MKX: variants seen among roughly 807,000 people sequenced by gnomAD.
The protein encoded by MKX is homeobox protein Mohawk.
A neutral mutation model predicts 36.0 loss-of-function variants in MKX; 13 were observed. The ratio of observed to expected loss-of-function variants is 0.36; its 90% CI spans 0.24 to 0.57. The LOEUF (loss-of-function observed/expected upper bound fraction) is 0.57, where lower values mean the gene tolerates loss of function less well. MKX is among the 20% of genes least tolerant of loss of function. MKX has a pLI of 0.79. For missense variants in MKX, 458 were observed against 456.4 expected, an observed-to-expected ratio of 1.00 and a Z score of -0.03; for synonymous variants, 176 against 178.3, an observed-to-expected ratio of 0.99 and a Z score of 0.10.
chr10:27,719,993 A>AG (rs1343566043), intron 5 of MKX, among the ~76,000 whole-genome samples: 8 of 150,854 alleles, frequency 5.3e-5, no homozygotes, highest in African/African-American at 1.7e-4. Flanking sequence ...AAAAAAAAAA[A>AG]AAGAGAGAGA....
intron 5 of MKX, among the ~76,000 whole-genome samples, chr10:27,703,634 C>T (rs554164521): frequency 1.3e-5 from 2 of 152,116 alleles, no homozygotes; most frequent in Non-Finnish European, 2.9e-5. Flanking sequence ...CTTGGTGGCT[C>T]ATACCTGTAA....
At position 27,741,606 on chromosome 10, in the gene MKX, T is replaced by G; in HGVS notation, c.189-102A>C. 7.5e-7 allele frequency: 1 copy of G among 1,335,438 alleles called. No homozygotes were observed. The highest frequency in any genetic ancestry group is 9.9e-7 in the Non-Finnish European group (1 of 1,005,206). 82.7% of individuals were successfully genotyped at this position (1,335,438 alleles called of 1,614,324 possible). A position where few individuals can be genotyped will look rare whatever the true frequency, so the allele number is the denominator to read the frequency against. ...CCGGGCCCCGCATCCAAACTGCGCA[T>G]TCCTGCCTTGCGCCCCTGCTTTGCG... is the stretch of plus-strand genomic sequence containing the variant. On this transcript the variant is annotated intron_variant, in intron 2 of 6. Transcript: ENST00000419761. This position sits in a 1 kb window ranked among gnomAD's most constrained non-coding sequence, Gnocchi z 5.1.
In MKX at chr10:27,723,950, G is replaced by C. The variant is rs146945825; in HGVS notation, c.838+10506C>G. Among the ~76,000 whole-genome samples, 7 of 152,278 alleles carry C rather than the reference G, an allele frequency of 4.6e-5. No homozygotes were observed. In the East Asian group the frequency reaches 1.4e-3, roughly 29 times the overall value. On this transcript the variant is annotated intron_variant, in intron 5 of 6. Transcript: ENST00000419761. Reference sequence around the variant, plus strand: ...ACAGGCAACTATGTGAAAACTTAAGGAGCAAGCTGTTTCTTGGAAATATCA... The same window carrying C: ...ACAGGCAACTATGTGAAAACTTAAGCAGCAAGCTGTTTCTTGGAAATATCA...
intron 5 of MKX, among the ~76,000 whole-genome samples, chr10:27,708,318 A>G (rs1382352794): frequency 1.3e-5 from 2 of 152,172 alleles, no homozygotes; most frequent in African/African-American, 4.8e-5. Flanking sequence ...CTCACTGACC[A>G]TCACAAGGCC....
chr10:27,678,583 C>T (rs1836196692), intron 5 of MKX, among the ~76,000 whole-genome samples: 1 of 137,856 alleles, frequency 7.3e-6, no homozygotes, highest in South Asian at 2.1e-4. Flanking sequence ...ACTGCACAGA[C>T]AAGAAGAAAG....
rs60014937 is a variant in MKX at position 27,706,733 on chromosome 10, T to C, written c.838+27723A>G. 6.1e-3 allele frequency among the ~76,000 whole-genome samples: 930 copies of C among 152,318 alleles called. 18 individuals are homozygous for C. In the East Asian group the frequency reaches 0.064, roughly 11 times the overall value. On this transcript the variant is annotated intron_variant, in intron 5 of 6. Transcript: ENST00000419761. ...AAAAATGTCTATTCAAGCCCTTTGC[T>C]CATTTTAATTGAGGTGTTTCTTTTT...
At chr10:27,694,956 G>T (rs1158723119) in intron 5 of MKX, among the ~76,000 whole-genome samples, 1 of 151,542 alleles carries the variant, frequency 6.6e-6, no homozygotes, top group Non-Finnish European at 1.5e-5. Context: ...GCTCCTGCAG[G>T]TGTGTGGTAG....
At chr10:27,714,009 CAAAAAAAAA>C (rs10632508) in intron 5 of MKX, among the ~76,000 whole-genome samples, 3 of 102,528 alleles carry the variant, frequency 2.9e-5, no homozygotes, top group African/African-American at 9.2e-5. Flanking sequence ...GTGCAAAGAC[CAAAAAAAAA>C]AAAAAAAAAA....
chr10:27,681,448 A>AAAAC (rs72040625), intron 5 of MKX, among the ~76,000 whole-genome samples: 4,793 of 152,016 alleles, frequency 0.032, 122 homozygotes, highest in African/African-American at 0.067. Flanking sequence ...ACTCCATCGC[A>AAAAC]AAACAAACAA....
intron 3 of MKX, among the ~76,000 whole-genome samples, chr10:27,739,668 C>T (rs1220780997): frequency 6.6e-6 from 1 of 152,086 alleles, no homozygotes. Context: ...ATGACAAATG[C>T]TACTTCATAA....
chr10:27,691,515 T>C (rs979671574), intron 5 of MKX, among the ~76,000 whole-genome samples: 1 of 152,238 alleles, frequency 6.6e-6, no homozygotes, highest in African/African-American at 2.4e-5. Context: ...CTAGCCATCT[T>C]ACGCCTGTAT....
At chr10:27,714,241 C>T (rs1298111614) in intron 5 of MKX, among the ~76,000 whole-genome samples, 1 of 152,004 alleles carries the variant, frequency 6.6e-6, no homozygotes, top group Non-Finnish European at 1.5e-5. Context: ...ACTGCAGTCT[C>T]TGTGGTTTAA....
intron 5 of MKX, among the ~76,000 whole-genome samples, chr10:27,684,326 A>AT (rs199873977): frequency 0.029 from 4,323 of 151,606 alleles, 291 homozygotes; most frequent in East Asian, 0.25. Flanking sequence ...AAAAAGAAAA[A>AT]AATATATATA....
chr10:27,739,454 G>T (rs1014996150), intron 3 of MKX, among the ~76,000 whole-genome samples: 9 of 151,952 alleles, frequency 5.9e-5, no homozygotes, highest in Admixed American at 5.9e-4. Flanking sequence ...GAGCACTAGT[G>T]TAAGAGAAAA....
In MKX at chr10:27,710,789, C is replaced by T. The variant is rs188879698; in HGVS notation, c.838+23667G>A. 4.4e-3 allele frequency among the ~76,000 whole-genome samples: 674 copies of T among 152,244 alleles called. 6 individuals are homozygous for T. Among genetic ancestry groups the T allele is most frequent in the African/African-American group, 0.016 (648 of 41,566 alleles). On this transcript the variant is annotated intron_variant, in intron 5 of 6. Coordinates refer to ENST00000419761, the MANE Select transcript of MKX (RefSeq NM_173576.3). Reference sequence around the variant, plus strand: ...TTCTTGTGCCTCAGCCTCCAAGTAGCTGGGATTAGAGGCATGAGTCACTAC... The same window carrying T: ...TTCTTGTGCCTCAGCCTCCAAGTAGTTGGGATTAGAGGCATGAGTCACTAC...
chr10:27,696,180 T>C (rs751786177), intron 5 of MKX, among the ~76,000 whole-genome samples: 1 of 152,188 alleles, frequency 6.6e-6, no homozygotes, highest in Non-Finnish European at 1.5e-5. Context: ...GGGGTTTGAA[T>C]CCCAGTTGTG....
At chr10:27,694,489 G>T (rs1005897934) in intron 5 of MKX, among the ~76,000 whole-genome samples, 1 of 142,594 alleles carries the variant, frequency 7.0e-6, no homozygotes, top group South Asian at 2.2e-4. Context: ...GACCATCCTG[G>T]CTAACACAGC....
Position 27,734,707 on chromosome 10 carries a change from G to T in MKX, c.587C>A (p.Ser196Ter). ...TGGCCTCACTCCCGCTTTGATGACCGAATTCTCACTTTTAATCACAGGATG... is the reference window on the plus strand; with the variant it reads ...TGGCCTCACTCCCGCTTTGATGACCTAATTCTCACTTTTAATCACAGGATG... ...VHHPVIKSEN[S>*]VIKAGVRPES... The change falls in exon 5 of 7, where the codon TCG becomes TAG. Residue 196 changes from serine to a stop codon, truncating the protein, a stop_gained. Transcript: ENST00000419761. LOFTEE classifies it high-confidence loss of function. 3 of 1,613,980 alleles carry T rather than the reference G, an allele frequency of 1.9e-6. No homozygotes were observed. The highest frequency in any genetic ancestry group is 2.5e-6 in the Non-Finnish European group (3 of 1,179,992).
chr10:27,733,447 A>G (rs768750843), intron 5 of MKX, among the ~76,000 whole-genome samples: 1 of 152,212 alleles, frequency 6.6e-6, no homozygotes, highest in Non-Finnish European at 1.5e-5. Context: ...TACTCTATAC[A>G]TGATTGGTAG....
Sources: allele counts gnomAD v4.1 joint callset (sites outside exome capture counted in the v4.1 genomes callset), GRCh38; gene constraint gnomAD v4.1.1; non-coding constraint Gnocchi (gnomAD v3.1); transcripts MANE v1.5; gene names NCBI Gene and HGNC (gene_info 2026-07-23, HGNC 2026-07-21).